Variants in LGMN observed in about 807,000 individuals in gnomAD.
LGMN encodes the protein asparaginyl endopeptidase.
A neutral mutation model predicts 56.8 loss-of-function variants in LGMN; 36 were observed. The observed-to-expected ratio is 0.63, with a 90% CI of 0.49 to 0.84. The LOEUF (loss-of-function observed/expected upper bound fraction) is 0.84. LGMN is among the 40% of genes least tolerant of loss of function. LGMN has a pLI of 0.00. For missense variants in LGMN, 446 were observed against 556.1 expected (o/e 0.80, Z 1.99); for synonymous variants, 199 against 210.1 (o/e 0.95, Z 0.46).
Position 92,744,786 on chromosome 14 carries a change from G to A in LGMN, c.-30+3703C>T, listed in dbSNP as rs111462676. Among the ~76,000 whole-genome samples the A allele has an allele frequency of 2.6e-3, 393 of 151,932 alleles. 3 individuals carry two copies. The highest frequency in any genetic ancestry group is 9.3e-3 in the African/African-American group (384 of 41,456). On this transcript the variant is annotated intron_variant, in intron 1 of 13. Coordinates refer to ENST00000334869, the MANE Select transcript of LGMN (RefSeq NM_005606.7). ...AATTTTTTGTATTTTTAGTAGAGAC[G>A]GGGTTTCTCCATGTTGAGGCTGGTC... is the stretch of plus-strand genomic sequence containing the variant.
intron 12 of LGMN, 192 bp from the exon 13 acceptor site, chr14:92,704,899 AG>A: frequency 3.6e-6 from 2 of 552,466 alleles, no homozygotes; most frequent in Non-Finnish European, 3.4e-6. Flanking sequence ...CACACATGCC[AG>A]GGTTTGCATG....
At chr14:92,706,834 C>T (rs772858771) in intron 11 of LGMN, among the ~76,000 whole-genome samples, 181 bp from the exon 12 acceptor site, 5 of 152,104 alleles carry the variant, frequency 3.3e-5, no homozygotes, top group African/African-American at 7.2e-5. Context: ...CCCACTTGTG[C>T]GACGGTCAGA....
chr14:92,727,483 T>G (rs1169064962), intron 2 of LGMN, among the ~76,000 whole-genome samples: 2 of 146,876 alleles, frequency 1.4e-5, no homozygotes, highest in African/African-American at 5.0e-5. Context: ...GAGGCTAAAC[T>G]GCTTAATTAG....
At chr14:92,705,691 A>G (rs1447320980) in intron 12 of LGMN, among the ~76,000 whole-genome samples, 1 of 151,904 alleles carries the variant, frequency 6.6e-6, no homozygotes, top group Non-Finnish European at 1.5e-5. Flanking sequence ...ATAGTGGCAC[A>G]ATCTCGGCTC....
intron 1 of LGMN, among the ~76,000 whole-genome samples, chr14:92,736,030 T>G (rs1891290342): frequency 6.6e-6 from 1 of 152,136 alleles, no homozygotes; most frequent in Non-Finnish European, 1.5e-5. Context: ...AGAAAGAATT[T>G]GGGGCAAGTC....
chr14:92,725,051 C>T (rs149307513), intron 2 of LGMN, among the ~76,000 whole-genome samples: 1 of 152,318 alleles, frequency 6.6e-6, no homozygotes, highest in East Asian at 1.9e-4. Context: ...TTCAAACTTA[C>T]ACAGCACATA....
At chr14:92,743,328 C>T (rs1230456308) in intron 1 of LGMN, among the ~76,000 whole-genome samples, 1 of 151,984 alleles carries the variant, frequency 6.6e-6, no homozygotes, top group African/African-American at 2.4e-5. Context: ...AGTGAAACTC[C>T]ATCTCTACTA....
chr14:92,746,245 T>G (rs915949875), intron 1 of LGMN, among the ~76,000 whole-genome samples: 9 of 152,210 alleles, frequency 5.9e-5, no homozygotes, highest in Admixed American at 5.9e-4. Context: ...TACAAGAAAA[T>G]TTGAGTCTTA....
intron 2 of LGMN, among the ~76,000 whole-genome samples, chr14:92,719,263 A>ACCACCG (rs1566924231): frequency 3.1e-5 from 2 of 65,118 alleles, no homozygotes; most frequent in African/African-American, 6.8e-5. Flanking sequence ...CACCACCGCC[A>ACCACCG]CCGCCGCCGC....
At chr14:92,736,648 T>C (rs931662777) in intron 1 of LGMN, among the ~76,000 whole-genome samples, 10 of 152,168 alleles carry the variant, frequency 6.6e-5, no homozygotes, top group African/African-American at 2.2e-4. Flanking sequence ...AATGCTTTTG[T>C]TCTTAAGATA....
chr14:92,719,045 T>G (rs1595539337), intron 2 of LGMN, among the ~76,000 whole-genome samples: 1 of 152,244 alleles, frequency 6.6e-6, no homozygotes, highest in Middle Eastern at 3.4e-3. Flanking sequence ...CAAAGTATTA[T>G]TCAGCAGGAA....
chr14:92,710,335 C>T (rs1240078711), intron 10 of LGMN, among the ~76,000 whole-genome samples: 1 of 152,228 alleles, frequency 6.6e-6, no homozygotes, highest in African/African-American at 2.4e-5. Context: ...CTCACTCCCC[C>T]GCACTCACCT....
At chr14:92,745,968 C>T (rs1161960030) in intron 1 of LGMN, among the ~76,000 whole-genome samples, 1 of 152,064 alleles carries the variant, frequency 6.6e-6, no homozygotes, top group Non-Finnish European at 1.5e-5. Flanking sequence ...ATTACAGGCA[C>T]GTGCCACCAC....
intron 1 of LGMN, among the ~76,000 whole-genome samples, chr14:92,744,235 T>G (rs1891714623): frequency 6.6e-6 from 1 of 152,190 alleles, no homozygotes; most frequent in Admixed American, 6.6e-5. Flanking sequence ...GAAAATATGA[T>G]TCATTGGCAA....
At chr14:92,716,061 C>T in intron 5 of LGMN, 75 bp downstream of exon 5, 2 of 1,002,786 alleles carry the variant, frequency 2.0e-6, no homozygotes, top group Non-Finnish European at 3.0e-6. Flanking sequence ...GGGCACAGAA[C>T]AACACCTGTT....
Position 92,713,805 on chromosome 14 carries a change from C to G in LGMN, c.543+18G>C. ...CACACCCCCCGCCCCCACAAGGCTG[C>G]CCCAAGGGCTGAATTACCTTTCGGT... On this transcript the variant is annotated intron_variant, in intron 7 of 13. Transcript: ENST00000334869. 6.3e-7 allele frequency: 1 copy of G among 1,598,004 alleles called. No homozygotes were observed. The highest frequency in any genetic ancestry group is 8.6e-7 in the Non-Finnish European group (1 of 1,165,328).
Position 92,748,590 on chromosome 14 carries a change from TCA to T in LGMN, c.-133_-132del, listed in dbSNP as rs1242469756. ...TGAGAACTCGCGGCGGCTCGCAGCC[TCA>T]CACCAAACACCCACGACGTCGGCAC... On this transcript the variant is annotated 5_prime_UTR_variant, in exon 1 of 14. Transcript: ENST00000334869. 2.0e-5 allele frequency: 3 copies of T among 153,670 alleles called. No homozygotes were observed. Among genetic ancestry groups the T allele is most frequent in the African/African-American group, 7.2e-5 (3 of 41,440 alleles). The allele number at this position is 153,670 out of a possible 1,614,324, so 9.5% of individuals were successfully genotyped here.
chr14:92,709,821 T>G lies in LGMN; in HGVS notation c.871A>C (p.Ser291Arg). 1 of 1,613,614 alleles carries G rather than the reference T, an allele frequency of 6.2e-7. No individual in the cohort carries two copies. Among genetic ancestry groups the G allele is most frequent in the Non-Finnish European group, 8.5e-7 (1 of 1,179,700 alleles). Residue 291 changes from serine (S) to arginine (R), a missense_variant, in exon 11 of 14, where the codon AGT becomes CGT. Physicochemically the swap from Ser to Arg is moderately radical, Grantham distance 110 (BLOSUM62 -1). Coordinates refer to ENST00000334869, the MANE Select transcript of LGMN (RefSeq NM_005606.7). ...ACTGGAGGTAGGGGGACGGGAGAACTGGCTTTGCGTTTCATACCCTGAAAC... is the reference window on the plus strand; with the variant it reads ...ACTGGAGGTAGGGGGACGGGAGAACGGGCTTTGCGTTTCATACCCTGAAAC... Reference protein sequence around the residue: ...MQFQGMKRKASSPVPLPPVTH... With the variant: ...MQFQGMKRKARSPVPLPPVTH...
At chr14:92,730,011 C>T (rs1008268965) in intron 2 of LGMN, among the ~76,000 whole-genome samples, 2 of 152,256 alleles carry the variant, frequency 1.3e-5, no homozygotes, top group Non-Finnish European at 2.9e-5. Flanking sequence ...TTTCTGGGAG[C>T]AAAGGTAATT....
Sources: allele counts gnomAD v4.1 joint callset (sites outside exome capture counted in the v4.1 genomes callset), GRCh38; gene constraint gnomAD v4.1.1; transcripts MANE v1.5; gene names NCBI Gene and HGNC (gene_info 2026-07-23, HGNC 2026-07-21).